PDE4B: variants seen among roughly 807,000 people sequenced by gnomAD.
PDE4B encodes the protein phosphodiesterase 4B.
A neutral mutation model predicts 82.2 loss-of-function variants in PDE4B; 20 were observed. That is an observed-to-expected ratio of 0.24 (90% CI 0.17 to 0.35). The LOEUF is 0.35. Among genes scored for constraint, PDE4B ranks in the 10% least tolerant of loss-of-function variants. The probability of loss-of-function intolerance (pLI) is 1.00; values close to 1 mark genes in which losing one functional copy is unlikely to be tolerated. For missense variants in PDE4B, 655 were observed against 907.2 expected (o/e 0.72, Z 3.57); for synonymous variants, 320 against 318.9 (o/e 1.00, Z -0.04).
chr1:66,158,790 C>T (rs1646552240), intron 3 of PDE4B, among the ~76,000 whole-genome samples: 1 of 152,082 alleles, frequency 6.6e-6, no homozygotes, highest in Admixed American at 6.6e-5. Flanking sequence ...TCATTTGTGG[C>T]AACGTGGTTG....
At chr1:66,027,838 C>T (rs1309450127) in intron 3 of PDE4B, among the ~76,000 whole-genome samples, 1 of 152,208 alleles carries the variant, frequency 6.6e-6, no homozygotes, top group African/African-American at 2.4e-5. Flanking sequence ...GGGTGGGTTC[C>T]CATGGTCTTG....
chr1:65,952,307 G>C (rs1413171616), intron 3 of PDE4B, among the ~76,000 whole-genome samples: 1 of 152,148 alleles, frequency 6.6e-6, no homozygotes. Flanking sequence ...CTTAATTGTT[G>C]TGGCACAGTC....
In PDE4B at chr1:65,885,612, CA is replaced by C. The variant is rs540146666; in HGVS notation, c.-70-27627del. ...CATTCTCAGCAAACTATCACAAGAA[CA>C]AAAAACCAAACACCACATGTTCTCA... On this transcript the variant is annotated intron_variant, in intron 1 of 16. Coordinates refer to ENST00000341517, the MANE Select transcript of PDE4B (RefSeq NM_002600.4). Among the ~76,000 whole-genome samples the C allele has an allele frequency of 1.1e-4, 17 of 151,626 alleles. No individual in the cohort carries two copies. The South Asian group carries it at 3.4e-3, about 30-fold the overall frequency.
At chr1:66,212,702 C>A (rs1007167831) in intron 3 of PDE4B, among the ~76,000 whole-genome samples, 3 of 152,182 alleles carry the variant, frequency 2.0e-5, no homozygotes, top group East Asian at 1.9e-4. Context: ...ACTGGACTCT[C>A]ATTAAACATT....
chr1:66,305,419 T>C (rs2101849794), intron 7 of PDE4B, among the ~76,000 whole-genome samples: 1 of 152,294 alleles, frequency 6.6e-6, no homozygotes, highest in East Asian at 1.9e-4. Context: ...AATTTGAATT[T>C]CAGATAAACA....
chr1:66,212,869 C>G (rs1407912228), intron 3 of PDE4B, among the ~76,000 whole-genome samples: 1 of 152,168 alleles, frequency 6.6e-6, no homozygotes, highest in Non-Finnish European at 1.5e-5. Flanking sequence ...AATACAGCAA[C>G]GAGACCTCTC....
chr1:66,225,123 C>T (rs1429938142), intron 3 of PDE4B, among the ~76,000 whole-genome samples: 4 of 152,170 alleles, frequency 2.6e-5, no homozygotes, highest in Non-Finnish European at 5.9e-5. Flanking sequence ...CAATTTCTCT[C>T]TCTCTCTCAA....
chr1:66,106,728 A>G (rs957692960), intron 3 of PDE4B, among the ~76,000 whole-genome samples: 1 of 151,486 alleles, frequency 6.6e-6, no homozygotes, highest in African/African-American at 2.4e-5. Flanking sequence ...ATTTGCATAG[A>G]GGTGTTTGTA....
At chr1:65,814,819 G>A (rs1400848944) in intron 1 of PDE4B, among the ~76,000 whole-genome samples, 1 of 151,804 alleles carries the variant, frequency 6.6e-6, no homozygotes, top group African/African-American at 2.4e-5. Context: ...GTTGTTCCCA[G>A]GTGTAAACTA....
chr1:66,018,691 C>G (rs1209382971), intron 3 of PDE4B, among the ~76,000 whole-genome samples: 1 of 152,108 alleles, frequency 6.6e-6, no homozygotes, highest in Non-Finnish European at 1.5e-5. Flanking sequence ...AAACAAGTAG[C>G]ATTATCAGAC....
chr1:66,332,406 G>C (rs1346893254), intron 7 of PDE4B, 102 bp from the exon 8 acceptor site: 4 of 1,614,048 alleles, frequency 2.5e-6, no homozygotes, highest in Non-Finnish European at 3.4e-6. Context: ...GAGCACGGGG[G>C]CACCTTCAGT....
At chr1:65,904,810 C>G (rs1422295796) in intron 1 of PDE4B, among the ~76,000 whole-genome samples, 1 of 152,114 alleles carries the variant, frequency 6.6e-6, no homozygotes, top group Non-Finnish European at 1.5e-5. Flanking sequence ...CCTCAGAATT[C>G]TCCCCTGCAA....
chr1:65,825,752 A>G (rs1347621206), intron 1 of PDE4B, among the ~76,000 whole-genome samples: 3 of 149,694 alleles, frequency 2.0e-5, no homozygotes, highest in Non-Finnish European at 4.5e-5. Flanking sequence ...CTATCTATCT[A>G]TCTATCTCAA....
At chr1:66,306,449 A>C (rs1296922589) in intron 7 of PDE4B, among the ~76,000 whole-genome samples, 1 of 152,170 alleles carries the variant, frequency 6.6e-6, no homozygotes, top group Non-Finnish European at 1.5e-5. Flanking sequence ...GAGGGCACTG[A>C]ATGCAATAGA....
intron 7 of PDE4B, among the ~76,000 whole-genome samples, chr1:66,328,167 T>G (rs1659866080): frequency 6.6e-6 from 1 of 152,222 alleles, no homozygotes; most frequent in Non-Finnish European, 1.5e-5. Flanking sequence ...TTTCTCTTCC[T>G]GTTTCTCAGA....
chr1:65,879,508 G>A (rs1646686548), intron 1 of PDE4B, among the ~76,000 whole-genome samples: 1 of 151,992 alleles, frequency 6.6e-6, no homozygotes, highest in South Asian at 2.1e-4. Context: ...ATGTATTATA[G>A]AAAAATATGA....
chr1:66,275,583 A>G (rs1655822544), intron 7 of PDE4B, among the ~76,000 whole-genome samples: 1 of 152,190 alleles, frequency 6.6e-6, no homozygotes, highest in African/African-American at 2.4e-5. Flanking sequence ...GAAGTTTGCT[A>G]AGAGACAAGG....
At chr1:65,942,658 G>T (rs1648507435) in intron 3 of PDE4B, among the ~76,000 whole-genome samples, 1 of 151,862 alleles carries the variant, frequency 6.6e-6, no homozygotes, top group South Asian at 2.1e-4. Flanking sequence ...CTGTAAAAGG[G>T]TTTCTTTTTC....
At chr1:66,161,432 T>C (rs1203779674) in intron 3 of PDE4B, among the ~76,000 whole-genome samples, 1 of 152,200 alleles carries the variant, frequency 6.6e-6, no homozygotes, top group East Asian at 1.9e-4. Context: ...AATGCATTTC[T>C]GGTTTAATAC....
Sources: allele counts gnomAD v4.1 joint callset (sites outside exome capture counted in the v4.1 genomes callset), GRCh38; gene constraint gnomAD v4.1.1; transcripts MANE v1.5; gene names NCBI Gene and HGNC (gene_info 2026-07-23, HGNC 2026-07-21).